ASTN1: variants seen among roughly 807,000 people sequenced by gnomAD.
ASTN1 encodes the protein astrotactin-1.
Under a neutral mutation model 140.7 loss-of-function variants are expected in ASTN1, and 41 were observed. That is an observed-to-expected ratio of 0.29 (90% CI 0.23 to 0.38). The LOEUF (loss-of-function observed/expected upper bound fraction) is 0.38. ASTN1 is among the 10% of genes least tolerant of loss of function. The probability of loss-of-function intolerance (pLI) is 1.00; values close to 1 mark genes in which losing one functional copy is unlikely to be tolerated. For synonymous variants in ASTN1, 640 were observed against 652.2 expected (o/e 0.98, Z 0.29); for missense variants, 1,479 against 1,678.8 (o/e 0.88, Z 2.08).
chr1:176,941,755 G>A (rs1246834969), intron 14 of ASTN1, among the ~76,000 whole-genome samples: 1 of 152,202 alleles, frequency 6.6e-6, no homozygotes. Flanking sequence ...TGTGAGAGAG[G>A]TGTCCTGCAG....
intron 1 of ASTN1, among the ~76,000 whole-genome samples, chr1:177,160,681 T>G (rs578202216): frequency 6.6e-6 from 1 of 152,352 alleles, no homozygotes; most frequent in South Asian, 2.1e-4. Context: ...TCTACTATTT[T>G]GAAAGCTGAA....
chr1:177,137,004 C>T (rs1457028555), intron 1 of ASTN1, among the ~76,000 whole-genome samples: 2 of 152,178 alleles, frequency 1.3e-5, no homozygotes, highest in Non-Finnish European at 2.9e-5. Context: ...CCTCTACCCA[C>T]TGGATGCCTG....
intron 1 of ASTN1, among the ~76,000 whole-genome samples, chr1:177,107,080 G>A (rs1237044015): frequency 1.3e-5 from 2 of 152,116 alleles, no homozygotes; most frequent in African/African-American, 4.8e-5. Flanking sequence ...TTTTTAAGTG[G>A]TTCAGGGCCT....
Position 176,861,741 on chromosome 1 carries a change from C to T in ASTN1, c.*2543G>A. On this transcript the variant is annotated 3_prime_UTR_variant, in exon 23 of 23. Coordinates refer to ENST00000361833, the MANE Select transcript of ASTN1 (RefSeq NM_004319.3). Reference sequence around the variant, plus strand: ...TCAGTGGGGAGAACTCAACGAGAAACAGGAGGAAGAAAGTCTTGGGGAAAG... The same window carrying T: ...TCAGTGGGGAGAACTCAACGAGAAATAGGAGGAAGAAAGTCTTGGGGAAAG... The T allele has an allele frequency of 1.0e-6, 1 of 984,918 alleles. No individual in the cohort carries two copies. The highest frequency in any genetic ancestry group is 1.2e-6 in the Non-Finnish European group (1 of 829,926). The allele number at this position is 984,918 out of a possible 1,614,324, so 61.0% of individuals were successfully genotyped here. A position where few individuals can be genotyped will look rare whatever the true frequency, so the allele number is the denominator to read the frequency against.
At chr1:176,887,794 G>A (rs902797236) in intron 18 of ASTN1, among the ~76,000 whole-genome samples, 2 of 151,948 alleles carry the variant, frequency 1.3e-5, no homozygotes, top group Non-Finnish European at 2.9e-5. Flanking sequence ...AGAAGTTCAA[G>A]CGCCACCTCC....
At chr1:177,040,742 C>T (rs1676931850) in intron 2 of ASTN1, among the ~76,000 whole-genome samples, 1 of 152,054 alleles carries the variant, frequency 6.6e-6, no homozygotes, top group South Asian at 2.1e-4. Context: ...GTTTTAAGAC[C>T]ATTAGGTTTG....
At chr1:176,989,754 G>C (rs1674073973) in intron 8 of ASTN1, among the ~76,000 whole-genome samples, 1 of 152,160 alleles carries the variant, frequency 6.6e-6, no homozygotes, top group Admixed American at 6.5e-5. Flanking sequence ...CTCATTCCAG[G>C]AAGACAGAGA....
intron 2 of ASTN1, among the ~76,000 whole-genome samples, chr1:177,036,036 CTTTTTT>C (rs869200407): frequency 5.1e-5 from 4 of 78,788 alleles, no homozygotes; most frequent in African/African-American, 1.1e-4. Flanking sequence ...CCTCAGCTTT[CTTTTTT>C]TTTTTTTTTT....
intron 22 of ASTN1, among the ~76,000 whole-genome samples, chr1:176,867,333 G>A (rs1290969614): frequency 6.6e-6 from 1 of 152,118 alleles, no homozygotes; most frequent in Non-Finnish European, 1.5e-5. Context: ...GGAGAGGGGA[G>A]CAGAGAGGAA....
chr1:177,091,903 A>G (rs1236102298), intron 1 of ASTN1, among the ~76,000 whole-genome samples: 1 of 152,066 alleles, frequency 6.6e-6, no homozygotes, highest in Admixed American at 6.6e-5. Context: ...TTGTGTTGAT[A>G]TAACACACTT....
At chr1:176,919,657 A>C (rs1038894348) in intron 16 of ASTN1, among the ~76,000 whole-genome samples, 8 of 152,346 alleles carry the variant, frequency 5.3e-5, no homozygotes, top group Non-Finnish European at 1.0e-4. Flanking sequence ...GAAGTAAAAC[A>C]GACCAAATAA....
intron 1 of ASTN1, among the ~76,000 whole-genome samples, chr1:177,147,604 G>T (rs576552633): frequency 6.6e-6 from 1 of 152,176 alleles, no homozygotes; most frequent in Non-Finnish European, 1.5e-5. Context: ...AGGGAAAAAT[G>T]AAAGAGCCAA....
chr1:176,947,100 G>T (rs911400015), intron 12 of ASTN1, among the ~76,000 whole-genome samples: 2 of 152,166 alleles, frequency 1.3e-5, no homozygotes, highest in African/African-American at 4.8e-5. Context: ...ATAATATAGC[G>T]AGAAGCAATA....
intron 1 of ASTN1, among the ~76,000 whole-genome samples, chr1:177,161,823 T>C (rs533094887): frequency 2.5e-4 from 38 of 152,312 alleles, no homozygotes; most frequent in African/African-American, 8.4e-4. Flanking sequence ...ATGATTACCA[T>C]GGAATCTGCT....
At chr1:176,925,723 G>A (rs537547497) in intron 16 of ASTN1, among the ~76,000 whole-genome samples, 9 of 151,910 alleles carry the variant, frequency 5.9e-5, no homozygotes, top group African/African-American at 1.7e-4. Flanking sequence ...TTTTGTCCAC[G>A]AACTTTTCTA....
At chr1:176,882,533 TC>T (rs1407943935) in intron 20 of ASTN1, among the ~76,000 whole-genome samples, 1 of 118,622 alleles carries the variant, frequency 8.4e-6, no homozygotes, top group East Asian at 2.4e-4. Context: ...ATCACTTCTT[TC>T]TTCTCTTTTA....
At chr1:176,911,358 C>A (rs998340224) in intron 16 of ASTN1, among the ~76,000 whole-genome samples, 1 of 151,990 alleles carries the variant, frequency 6.6e-6, no homozygotes, top group Non-Finnish European at 1.5e-5. Flanking sequence ...TTTCTTTCTG[C>A]AATAATAAAT....
At chr1:176,907,020 C>A (rs886597680) in intron 16 of ASTN1, among the ~76,000 whole-genome samples, 4 of 152,130 alleles carry the variant, frequency 2.6e-5, no homozygotes, top group Non-Finnish European at 5.9e-5. Context: ...TAGAAGCATT[C>A]ATATAGAAAC....
chr1:177,002,376 A>AACACACAC (rs3979529), intron 8 of ASTN1, among the ~76,000 whole-genome samples: 20 of 148,584 alleles, frequency 1.3e-4, no homozygotes, highest in Admixed American at 1.1e-3. Context: ...CTTACACACA[A>AACACACAC]ACACACACAC....
Sources: allele counts gnomAD v4.1 joint callset (sites outside exome capture counted in the v4.1 genomes callset), GRCh38; gene constraint gnomAD v4.1.1; transcripts MANE v1.5; gene names NCBI Gene and HGNC (gene_info 2026-07-23, HGNC 2026-07-21).